COLQ: variants seen among roughly 807,000 people sequenced by gnomAD.
COLQ encodes the protein acetylcholinesterase collagenic tail peptide.
A neutral mutation model predicts 69.0 loss-of-function variants in COLQ; 48 were observed. The ratio of observed to expected loss-of-function variants is 0.70; its 90% confidence interval spans 0.55 to 0.88. The LOEUF (loss-of-function observed/expected upper bound fraction) is 0.88, where lower values mean the gene tolerates loss of function less well. Ranked by LOEUF, COLQ falls within the 40% of genes least tolerant of loss-of-function variation. COLQ has a pLI of 0.00. For missense variants in COLQ, 618 were observed against 594.6 expected, an observed-to-expected ratio of 1.04 and a Z score of -0.41; for synonymous variants, 217 against 211.2, an observed-to-expected ratio of 1.03 and a Z score of -0.24.
At chr3:15,509,329 C>G (rs951153296) in intron 1 of COLQ, among the ~76,000 whole-genome samples, 2 of 152,194 alleles carry the variant, frequency 1.3e-5, no homozygotes, top group Admixed American at 6.5e-5. Flanking sequence ...GAACTAGATA[C>G]AGTAAGTGGC....
chr3:15,495,486 T>C (rs1471895921), intron 1 of COLQ, among the ~76,000 whole-genome samples: 2 of 152,184 alleles, frequency 1.3e-5, no homozygotes, highest in African/African-American at 2.4e-5. Context: ...ATCACTCATA[T>C]TAGCAAGGAT....
chr3:15,477,024 G>A lies in COLQ; in HGVS notation c.465+102C>T, dbSNP rs183968684. 1.2e-3 allele frequency: 1,414 copies of A among 1,143,048 alleles called. 14 individuals are homozygous for A. The African/African-American group carries it at 0.02, about 16-fold the overall frequency. 70.8% of individuals were successfully genotyped at this position (1,143,048 alleles called of 1,614,324 possible). A position where few individuals can be genotyped will look rare whatever the true frequency, so the allele number is the denominator to read the frequency against. On this transcript the variant is annotated intron_variant, in intron 6 of 16. Coordinates refer to ENST00000383788, the MANE Select transcript of COLQ (RefSeq NM_005677.4). Reference sequence around the variant, plus strand: ...AAGCTCTCTTCTTCTTCCCCCTCTTGAAGAAGGGATTCCCTGACTATGTGC... The same window carrying A: ...AAGCTCTCTTCTTCTTCCCCCTCTTAAAGAAGGGATTCCCTGACTATGTGC...
chr3:15,484,183 T>C (rs2062537058), intron 3 of COLQ, among the ~76,000 whole-genome samples: 1 of 91,980 alleles, frequency 1.1e-5, no homozygotes, highest in African/African-American at 4.5e-5. Context: ...CAGTCTGTGT[T>C]TTTTAACTGG....
intron 3 of COLQ, among the ~76,000 whole-genome samples, chr3:15,486,549 TC>T (rs1409786885): frequency 1.3e-5 from 2 of 152,008 alleles, no homozygotes; most frequent in African/African-American, 4.8e-5. Flanking sequence ...CAGCAGAAAA[TC>T]CCCCTTTTCT....
intron 14 of COLQ, among the ~76,000 whole-genome samples, chr3:15,456,258 AG>A (rs2062024079): frequency 6.6e-6 from 1 of 152,160 alleles, no homozygotes; most frequent in East Asian, 1.9e-4. Context: ...ACCCTGGCTC[AG>A]AGAGGGGCTT....
chr3:15,520,620 G>T (rs1406344841), intron 1 of COLQ, among the ~76,000 whole-genome samples: 1 of 152,194 alleles, frequency 6.6e-6, no homozygotes, highest in Non-Finnish European at 1.5e-5. Context: ...GGTGAATTGA[G>T]GGGGGCTGTG....
chr3:15,494,425 A>G (rs1366919510), intron 1 of COLQ, among the ~76,000 whole-genome samples: 7 of 152,220 alleles, frequency 4.6e-5, no homozygotes, highest in Non-Finnish European at 8.8e-5. Flanking sequence ...CCAGGGCAAC[A>G]GTGGTCAGAG....
rs1375482853 is a variant in COLQ at position 15,450,786 on chromosome 3, G to C, written c.*858C>G. On this transcript the variant is annotated 3_prime_UTR_variant, in exon 17 of 17. Transcript: ENST00000383788. ...CCTAAGGACCAAGGAGACACCAACA[G>C]CCTGCCCAGGTGTGGGCTTGTGCAG... The C allele has an allele frequency of 1.3e-5, 2 of 152,372 alleles. No individual in the cohort carries two copies. Among genetic ancestry groups the C allele is most frequent in the East Asian group, 3.9e-4 (2 of 5,186 alleles). 9.4% of individuals were successfully genotyped at this position (152,372 alleles called of 1,614,324 possible).
intron 5 of COLQ, 49 bp downstream of exon 5, chr3:15,478,928 A>G (rs747142344): frequency 6.2e-7 from 1 of 1,613,334 alleles, no homozygotes; most frequent in Non-Finnish European, 8.5e-7. Context: ...ATGCACACAC[A>G]TGAAGCACAG....
intron 1 of COLQ, among the ~76,000 whole-genome samples, chr3:15,505,549 G>A (rs1044907118): frequency 1.3e-5 from 2 of 152,244 alleles, no homozygotes; most frequent in African/African-American, 4.8e-5. Flanking sequence ...TAGAGAGGAA[G>A]GCGGAGACAA....
intron 3 of COLQ, 38 bp from the exon 4 acceptor site, chr3:15,479,420 C>G: frequency 6.2e-7 from 1 of 1,603,600 alleles, no homozygotes; most frequent in Non-Finnish European, 8.5e-7. Flanking sequence ...AAGTATATAT[C>G]AGTCTGAAGC....
At chr3:15,477,979 C>T (rs1461106323) in intron 5 of COLQ, among the ~76,000 whole-genome samples, 1 of 152,176 alleles carries the variant, frequency 6.6e-6, no homozygotes, top group South Asian at 2.1e-4. Context: ...GTGCTAAGGG[C>T]CTATCTTGAC....
intron 1 of COLQ, among the ~76,000 whole-genome samples, chr3:15,491,545 G>A (rs974767432): frequency 6.6e-6 from 1 of 152,214 alleles, no homozygotes; most frequent in East Asian, 1.9e-4. Context: ...TGGTAGCTCC[G>A]TGCACACACA....
At chr3:15,505,609 C>T (rs988196926) in intron 1 of COLQ, among the ~76,000 whole-genome samples, 4 of 152,206 alleles carry the variant, frequency 2.6e-5, no homozygotes, top group Non-Finnish European at 5.9e-5. Context: ...TGGCTGGCTG[C>T]GCCTTGACTC....
At chr3:15,491,578 GA>G (rs1401494169) in intron 1 of COLQ, among the ~76,000 whole-genome samples, 1 of 152,236 alleles carries the variant, frequency 6.6e-6, no homozygotes, top group Non-Finnish European at 1.5e-5. Flanking sequence ...CTTGATGATG[GA>G]GCATTCCACT....
intron 15 of COLQ, among the ~76,000 whole-genome samples, chr3:15,455,409 G>T (rs1390712286): frequency 6.6e-6 from 1 of 152,214 alleles, no homozygotes; most frequent in Non-Finnish European, 1.5e-5. Flanking sequence ...CTGCCTACCA[G>T]TTAAGGCAGC....
intron 3 of COLQ, among the ~76,000 whole-genome samples, chr3:15,479,755 T>C (rs1007682672): frequency 6.6e-6 from 1 of 152,186 alleles, no homozygotes; most frequent in Non-Finnish European, 1.5e-5. Flanking sequence ...ACCTCTCATA[T>C]CTTTTCAGTT....
At chr3:15,490,434 C>T (rs559262409) in intron 1 of COLQ, among the ~76,000 whole-genome samples, 3 of 152,222 alleles carry the variant, frequency 2.0e-5, no homozygotes, top group Non-Finnish European at 2.9e-5. Context: ...AAGCTCCAAT[C>T]TCTGCACCCC....
intron 1 of COLQ, among the ~76,000 whole-genome samples, chr3:15,515,607 A>T (rs2063050543): frequency 6.6e-6 from 1 of 152,160 alleles, no homozygotes; most frequent in South Asian, 2.1e-4. Context: ...CAGGAGTTCG[A>T]GACCAGCCTG....
Sources: allele counts gnomAD v4.1 joint callset (sites outside exome capture counted in the v4.1 genomes callset), GRCh38; gene constraint gnomAD v4.1.1; transcripts MANE v1.5; gene names NCBI Gene and HGNC (gene_info 2026-07-23, HGNC 2026-07-21).